The following HOMER2 variants were observed in gnomAD, a reference collection of about 807,000 sequenced individuals.
The protein encoded by HOMER2 is homer protein homolog 2.
A neutral mutation model predicts 47.0 loss-of-function variants in HOMER2; 27 were observed. The observed-to-expected ratio is 0.57, with a 90% CI of 0.42 to 0.79. The LOEUF (loss-of-function observed/expected upper bound fraction) is 0.79. HOMER2 is among the 30% of genes least tolerant of loss of function. The pLI is 0.00. For synonymous variants in HOMER2, 161 were observed against 163.8 expected (o/e 0.98, Z 0.13); for missense variants, 443 against 435.0 (o/e 1.02, Z -0.16).
chr15:82,879,706 T>G (rs1567030840), intron 2 of HOMER2, among the ~76,000 whole-genome samples: 1 of 152,208 alleles, frequency 6.6e-6, no homozygotes, highest in African/African-American at 2.4e-5. Flanking sequence ...AGGGTGGTGG[T>G]TGCTGAAGGG....
intron 1 of HOMER2, among the ~76,000 whole-genome samples, chr15:82,928,412 G>C (rs752035795): frequency 2.0e-5 from 3 of 152,158 alleles, no homozygotes; most frequent in Admixed American, 6.5e-5. Context: ...ACCAAGAACA[G>C]TTCCAAAGAC....
At chr15:82,936,819 A>G (rs2054152846) in intron 1 of HOMER2, among the ~76,000 whole-genome samples, 1 of 151,590 alleles carries the variant, frequency 6.6e-6, no homozygotes, top group Admixed American at 6.6e-5. Flanking sequence ...TCTGCCTCCC[A>G]AAGTGTGTGA....
intron 5 of HOMER2, among the ~76,000 whole-genome samples, chr15:82,857,431 T>A (rs1257380666): frequency 7.2e-6 from 1 of 139,744 alleles, no homozygotes; most frequent in Non-Finnish European, 1.6e-5. Flanking sequence ...GCTTTTTTTT[T>A]TTTTTTTTTT....
chr15:82,894,539 C>T (rs956590805), intron 1 of HOMER2, among the ~76,000 whole-genome samples: 2 of 151,780 alleles, frequency 1.3e-5, no homozygotes, highest in African/African-American at 4.8e-5. Context: ...GGCATGGTGG[C>T]GGGTGCCTGT....
At chr15:82,854,172 A>G (rs1351149579) in intron 6 of HOMER2, among the ~76,000 whole-genome samples, 1 of 152,232 alleles carries the variant, frequency 6.6e-6, no homozygotes, top group Non-Finnish European at 1.5e-5. Context: ...CAGGAGGCTG[A>G]GGCGGGTGTA....
intron 1 of HOMER2, among the ~76,000 whole-genome samples, chr15:82,928,939 C>CAAAAAAAAAAAAAAAAAAAAAA (rs1596362215): frequency 2.1e-4 from 4 of 18,692 alleles, no homozygotes; most frequent in Non-Finnish European, 2.6e-4. Context: ...AAAATAAAAA[C>CAAAAAAAAAAAAAAAAAAAAAA]TAAAAAAAAA....
At chr15:82,889,846 A>T (rs568046380) in intron 2 of HOMER2, among the ~76,000 whole-genome samples, 2 of 152,138 alleles carry the variant, frequency 1.3e-5, no homozygotes, top group Non-Finnish European at 2.9e-5. Context: ...GTGCATTGGG[A>T]CCACTTTCCA....
intron 1 of HOMER2, among the ~76,000 whole-genome samples, chr15:82,912,844 C>T (rs1376679267): frequency 6.6e-6 from 1 of 152,198 alleles, no homozygotes; most frequent in African/African-American, 2.4e-5. Flanking sequence ...AACCGTGTAC[C>T]TATCTGAAGG....
Position 82,946,407 on chromosome 15 carries a change from T to C in HOMER2, c.5+6124A>G, listed in dbSNP as rs79644447. Among the ~76,000 whole-genome samples, 104 of 152,298 alleles carry C rather than the reference T, an allele frequency of 6.8e-4. 1 individual carries two copies. In the East Asian group the frequency reaches 0.015, roughly 23 times the overall value. ...CCCTGACCTCTTCACCTTCGTGCTC[T>C]CTCTGGCTCACTCTGCTCCAGCCAT... On this transcript the variant is annotated intron_variant, in intron 1 of 8. Coordinates refer to ENST00000450735, the MANE Select transcript of HOMER2 (RefSeq NM_004839.4).
chr15:82,928,940 T>TAAAAAAAAAAAACTAAAA (rs2053926647), intron 1 of HOMER2, among the ~76,000 whole-genome samples: 1 of 39,942 alleles, frequency 2.5e-5, no homozygotes, highest in African/African-American at 1.5e-4. Flanking sequence ...AAATAAAAAC[T>TAAAAAAAAAAAACTAAAA]AAAAAAAAAA....
At chr15:82,984,513 C>T (rs144469803) in intron 1 of HOMER2, among the ~76,000 whole-genome samples, 74 of 152,274 alleles carry the variant, frequency 4.9e-4, no homozygotes, top group African/African-American at 1.5e-3. Context: ...TCAGTGCTAA[C>T]GTCATGGAAA....
chr15:82,855,345 A>G (rs1179315584), intron 5 of HOMER2, among the ~76,000 whole-genome samples: 4 of 150,898 alleles, frequency 2.7e-5, no homozygotes, highest in Non-Finnish European at 3.0e-5. Flanking sequence ...AAAAAAAAAA[A>G]AAAAGAAAAC....
downstream of HOMER2, among the ~76,000 whole-genome samples, chr15:82,847,512 T>G (rs923879583): frequency 2.0e-5 from 3 of 152,180 alleles, no homozygotes; most frequent in African/African-American, 7.2e-5. Context: ...ACTGGGATCA[T>G]GGGTCTCAAC....
chr15:82,891,451 G>T (rs1295828054), intron 2 of HOMER2, among the ~76,000 whole-genome samples: 1 of 152,208 alleles, frequency 6.6e-6, no homozygotes, highest in African/African-American at 2.4e-5. Flanking sequence ...CAGTCACTTA[G>T]AGAACATGGG....
chr15:82,960,211 A>C (rs1398759078), intron 1 of HOMER2, among the ~76,000 whole-genome samples: 1 of 152,140 alleles, frequency 6.6e-6, no homozygotes, highest in Admixed American at 6.6e-5. Context: ...AGAGGGGGAG[A>C]AGCAGCAGCA....
upstream of HOMER2, among the ~76,000 whole-genome samples, chr15:82,957,140 G>T (rs1407003733): frequency 6.6e-6 from 1 of 152,154 alleles, no homozygotes; most frequent in East Asian, 1.9e-4. Context: ...AGCTGGGCAT[G>T]GTGGCACATG....
At chr15:82,971,468 G>A (rs2029986687) in intron 1 of HOMER2, among the ~76,000 whole-genome samples, 1 of 152,064 alleles carries the variant, frequency 6.6e-6, no homozygotes, top group African/African-American at 2.4e-5. Context: ...AAGCTGTTGA[G>A]GAGGCAGAGC....
In HOMER2 at chr15:82,952,652, C is replaced by T. The variant is rs919296580; in HGVS notation, c.-117G>A. 9.9e-6 allele frequency: 10 copies of T among 1,007,154 alleles called. No individual in the cohort carries two copies. In the Admixed American group the frequency reaches 1.8e-4, roughly 18 times the overall value. 62.4% of individuals were successfully genotyped at this position (1,007,154 alleles called of 1,614,324 possible). ...GGCCCGTGCGCGCCCGGCTCAGCCC[C>T]GGCGCCGCTCCATTCCGCGGGGCTG... On this transcript the variant is annotated 5_prime_UTR_variant, in exon 1 of 9. Coordinates refer to ENST00000450735, the MANE Select transcript of HOMER2 (RefSeq NM_004839.4).
chr15:82,932,089 T>C (rs2054025895), intron 1 of HOMER2, among the ~76,000 whole-genome samples: 1 of 151,966 alleles, frequency 6.6e-6, no homozygotes, highest in Non-Finnish European at 1.5e-5. Context: ...GGGGCCTAAT[T>C]CAGCACTCTT....
Sources: gnomAD v4.1 joint callset for allele counts (sites outside exome capture counted in the v4.1 genomes callset) on GRCh38, gnomAD v4.1.1 for gene constraint, MANE v1.5 for transcripts, NCBI Gene and HGNC (gene_info 2026-07-23, HGNC 2026-07-21) for gene names.